HYKK: variants seen among roughly 807,000 people sequenced by gnomAD.
HYKK encodes 5-hydroxy-L-lysine kinase.
A neutral mutation model predicts 29.7 loss-of-function variants in HYKK; 19 were observed. The ratio of observed to expected loss-of-function variants is 0.64; its 90% CI spans 0.45 to 0.94. The LOEUF is 0.94. HYKK is among the 40% of genes least tolerant of loss of function. The pLI, the probability that HYKK is intolerant of heterozygous loss-of-function variation, is 0.00. For synonymous variants in HYKK, 152 were observed against 158.1 expected, an observed-to-expected ratio of 0.96 and a Z score of 0.29; for missense variants, 390 against 443.4, an observed-to-expected ratio of 0.88 and a Z score of 1.08.
intron 4 of HYKK, chr15:78,528,950 T>C (rs2052284950): frequency 1.5e-6 from 1 of 654,520 alleles, no homozygotes; most frequent in African/African-American, 2.0e-5. Flanking sequence ...CAAACCTGTT[T>C]TTCCCCCAGT....
chr15:78,516,233 C>T (rs2052131271), intron 3 of HYKK, among the ~76,000 whole-genome samples: 1 of 150,528 alleles, frequency 6.6e-6, no homozygotes, highest in African/African-American at 2.4e-5. Context: ...AATCACAGGA[C>T]AAAGGAAATA....
Position 78,533,306 on chromosome 15 carries a change from A to G in HYKK, c.758A>G (p.Asp253Gly), listed in dbSNP as rs1292715800. 3 of 1,613,968 alleles carry G rather than the reference A, an allele frequency of 1.9e-6. No homozygotes were observed. Among genetic ancestry groups the G allele is most frequent in the Non-Finnish European group, 2.5e-6 (3 of 1,179,958 alleles). Residue 253 changes from aspartate (D) to glycine (G), a missense_variant, in exon 5 of 5, where the codon GAC becomes GGC. Physicochemically the swap from Asp to Gly is moderately conservative, Grantham distance 94 (BLOSUM62 -1). Transcript: ENST00000388988. The stretch of plus-strand genomic sequence containing the variant: ...GAATATCAAGTGTCTGGGATTTTAG[A>G]CTTTGGTGACATGAGCTATGGCTAC... The part of the protein sequence containing the change: ...NAEYQVSGIL[D>G]FGDMSYGYYV...
chr15:78,528,813 A>AAG, intron 4 of HYKK: 1 of 971,510 alleles, frequency 1.0e-6, no homozygotes, highest in Non-Finnish European at 1.2e-6. Context: ...AAAAAAAAAA[A>AAG]GGGCAAGGAA....
chr15:78,517,109 C>CTTTTTT (rs34680285), intron 3 of HYKK, among the ~76,000 whole-genome samples: 23 of 108,440 alleles, frequency 2.1e-4, no homozygotes, highest in Non-Finnish European at 3.5e-4. Flanking sequence ...TTCTTTCTTT[C>CTTTTTT]TTTTTTTTTT....
At chr15:78,531,474 C>G (rs1369777227) in intron 4 of HYKK, among the ~76,000 whole-genome samples, 1 of 152,104 alleles carries the variant, frequency 6.6e-6, no homozygotes, top group Non-Finnish European at 1.5e-5. Context: ...TTTAATCCTA[C>G]TATGATTACA....
chr15:78,520,920 AC>A (rs1315706424), intron 3 of HYKK, among the ~76,000 whole-genome samples: 2 of 129,448 alleles, frequency 1.5e-5, no homozygotes, highest in African/African-American at 3.0e-5. Flanking sequence ...TGGGGGGCTG[AC>A]CCCCCCACCT....
chr15:78,519,045 A>G (rs1056998219), intron 3 of HYKK, among the ~76,000 whole-genome samples: 3 of 152,204 alleles, frequency 2.0e-5, no homozygotes, highest in African/African-American at 7.2e-5. Context: ...CCATTATTTA[A>G]AGAAAACCAG....
chr15:78,524,101 G>A (rs190876765), intron 3 of HYKK, among the ~76,000 whole-genome samples: 47 of 152,380 alleles, frequency 3.1e-4, no homozygotes, highest in Admixed American at 1.6e-3. Context: ...TGGGGACTCT[G>A]TGTGGGGGCT....
At chr15:78,519,103 A>G (rs1460336780) in intron 3 of HYKK, among the ~76,000 whole-genome samples, 1 of 152,198 alleles carries the variant, frequency 6.6e-6, no homozygotes, top group Non-Finnish European at 1.5e-5. Flanking sequence ...CATCATCCAG[A>G]GATGACATTC....
chr15:78,512,400 CTTTTTTT>C (rs902963099), intron 1 of HYKK, among the ~76,000 whole-genome samples: 2 of 125,668 alleles, frequency 1.6e-5, no homozygotes, highest in Non-Finnish European at 3.4e-5. Flanking sequence ...TTTTCTTTTT[CTTTTTTT>C]TTTTTTTTTT....
chr15:78,517,730 C>A (rs1282041278), intron 3 of HYKK, among the ~76,000 whole-genome samples: 2 of 152,090 alleles, frequency 1.3e-5, no homozygotes, highest in African/African-American at 2.4e-5. Flanking sequence ...CAGTTTGATC[C>A]TTTTGGGTCA....
intron 3 of HYKK, among the ~76,000 whole-genome samples, chr15:78,524,039 G>T (rs2052224569): frequency 6.6e-6 from 1 of 152,210 alleles, no homozygotes; most frequent in African/African-American, 2.4e-5. Flanking sequence ...ACCATTCTGG[G>T]GTCTAGAGGA....
intron 1 of HYKK, among the ~76,000 whole-genome samples, chr15:78,510,512 C>T (rs1007216981): frequency 6.6e-6 from 1 of 152,048 alleles, no homozygotes; most frequent in Admixed American, 6.5e-5. Context: ...CTTATTTTAA[C>T]TTGAGTCATC....
At chr15:78,526,299 G>C (rs765370517) in intron 3 of HYKK, among the ~76,000 whole-genome samples, 16 of 152,154 alleles carry the variant, frequency 1.1e-4, no homozygotes, top group Non-Finnish European at 1.9e-4. Context: ...ATCCCTCATG[G>C]AGCTTATATT....
chr15:78,523,745 C>T (rs1256151167), intron 3 of HYKK, among the ~76,000 whole-genome samples: 4 of 152,200 alleles, frequency 2.6e-5, no homozygotes, highest in African/African-American at 9.7e-5. Context: ...ATTGGGTAAA[C>T]ACTCCTATTC....
At chr15:78,525,719 G>A (rs2052246914) in intron 3 of HYKK, among the ~76,000 whole-genome samples, 1 of 150,822 alleles carries the variant, frequency 6.6e-6, no homozygotes, top group Non-Finnish European at 1.5e-5. Context: ...GGCTGGTCTC[G>A]AACTCCTGAC....
rs146025612 is a variant in HYKK at position 78,510,123 on chromosome 15, T to TTTTC, written c.-6+2471_-6+2474dup. ...TTTCTCTCTCTCTCTTTCTTCTTTC[T>TTTTC]TTTCTTTCTTTCTTTCTTTCTTCTT... On this transcript the variant is annotated intron_variant, in intron 1 of 4. Coordinates refer to ENST00000388988, the MANE Select transcript of HYKK (RefSeq NM_001013619.4). 8.5e-3 allele frequency among the ~76,000 whole-genome samples: 1,271 copies of TTTTC among 148,746 alleles called. 22 individuals carry two copies. The highest frequency in any genetic ancestry group is 0.065 in the East Asian group (334 of 5,120).
intron 1 of HYKK, among the ~76,000 whole-genome samples, chr15:78,510,075 T>C (rs1276500553): frequency 6.6e-6 from 1 of 151,956 alleles, no homozygotes; most frequent in Non-Finnish European, 1.5e-5. Context: ...CTTCTCTTTT[T>C]TTTTCTTTCT....
intron 3 of HYKK, among the ~76,000 whole-genome samples, chr15:78,517,451 C>T (rs137863532): frequency 4.1e-4 from 63 of 152,092 alleles, no homozygotes; most frequent in Non-Finnish European, 7.6e-4. Flanking sequence ...TGGTGGTGCA[C>T]GCCTATAATC....
Sources: allele counts gnomAD v4.1 joint callset (sites outside exome capture counted in the v4.1 genomes callset), GRCh38; gene constraint gnomAD v4.1.1; transcripts MANE v1.5; gene names NCBI Gene and HGNC (gene_info 2026-07-23, HGNC 2026-07-21).